TBL1X: variants seen among roughly 807,000 people sequenced by gnomAD.
TBL1X encodes the protein F-box-like/WD repeat-containing protein TBL1X.
A neutral mutation model predicts 50.7 loss-of-function variants in TBL1X; 10 were observed. The observed-to-expected ratio is 0.20, with a 90% CI of 0.12 to 0.33. The LOEUF (loss-of-function observed/expected upper bound fraction) is 0.33. TBL1X is among the 10% of genes least tolerant of loss of function. The pLI is 1.00. For missense variants in TBL1X, 340 were observed against 504.4 expected (o/e 0.67, Z 3.12); for synonymous variants, 190 against 214.7 (o/e 0.88, Z 1.01).
rs371371508 is a variant in TBL1X, at chrX:9,621,733, C to T, written c.-130-18540C>T. Among the ~76,000 whole-genome samples the T allele has an allele frequency of 2.7e-5, 3 of 112,176 alleles. No individual in the cohort carries two copies. In the South Asian group the frequency reaches 1.1e-3, roughly 42 times the overall value. On this transcript the variant is annotated intron_variant, in intron 2 of 17. Transcript: ENST00000645353. The stretch of plus-strand genomic sequence containing the variant: ...GATTAACCTTGATTTAACAAGAACA[C>T]CCAGCCCATTTCCCAACGACACAAA...
chrX:9,557,959 T>C (rs1390025186), intron 2 of TBL1X, among the ~76,000 whole-genome samples: 1 of 112,539 alleles, frequency 8.9e-6, no homozygotes, highest in African/African-American at 3.2e-5. Context: ...GCTAGATGTT[T>C]TGTAAGTATT....
In TBL1X at chrX:9,715,914, G is replaced by A. The variant is rs1374186976; in HGVS notation, c.1708-306G>A. Among the ~76,000 whole-genome samples, 4 of 112,213 alleles carry A rather than the reference G, an allele frequency of 3.6e-5. No individual in the cohort carries two copies. The East Asian group carries it at 8.4e-4, about 24-fold the overall frequency. On this transcript the variant is annotated intron_variant, in intron 17 of 17. Coordinates refer to ENST00000645353, the MANE Select transcript of TBL1X (RefSeq NM_005647.4). ...GAGGCTGTGTACTTGGGCTCGTATT[G>A]TCATCTGCCCCACGATTGCAGGTGT...
chrX:9,579,509 G>A (rs1429506286), intron 2 of TBL1X, among the ~76,000 whole-genome samples: 1 of 112,029 alleles, frequency 8.9e-6, no homozygotes, highest in East Asian at 2.8e-4. Context: ...GGATTCAAAA[G>A]CATGCCCTGT....
chrX:9,561,121 A>G (rs1254207068), intron 2 of TBL1X, among the ~76,000 whole-genome samples: 1 of 111,331 alleles, frequency 9.0e-6, no homozygotes, highest in East Asian at 2.8e-4. Context: ...ACCCATCACC[A>G]TGACATCTGA....
chrX:9,662,669 C>T (rs1035611020), intron 5 of TBL1X, among the ~76,000 whole-genome samples: 5 of 112,302 alleles, frequency 4.5e-5, no homozygotes, highest in Admixed American at 1.9e-4. Flanking sequence ...AGTGTGAATG[C>T]ACCTAATGCC....
intron 3 of TBL1X, among the ~76,000 whole-genome samples, chrX:9,641,918 C>T (rs757146111): frequency 8.9e-6 from 1 of 111,861 alleles, no homozygotes; most frequent in Admixed American, 9.5e-5. Context: ...CATGAACACA[C>T]ATATACAAGT....
intron 1 of TBL1X, among the ~76,000 whole-genome samples, chrX:9,498,036 T>A (rs2081981729): frequency 9.1e-6 from 1 of 109,555 alleles, no homozygotes; most frequent in African/African-American, 3.3e-5. Flanking sequence ...ATGCCAGGCC[T>A]ATTTTCCCTT....
upstream of TBL1X, among the ~76,000 whole-genome samples, chrX:9,464,740 C>CG (rs1157707469): frequency 9.0e-6 from 1 of 111,418 alleles, no homozygotes; most frequent in African/African-American, 3.3e-5. Flanking sequence ...GGGAAGGGAC[C>CG]GGGACCAGAG....
At chrX:9,639,614 T>G (rs770699480) in intron 2 of TBL1X, among the ~76,000 whole-genome samples, 3 of 112,478 alleles carry the variant, frequency 2.7e-5, no homozygotes, top group Non-Finnish European at 3.8e-5. Context: ...ATGGAACACT[T>G]GTGAAACAGA....
chrX:9,672,175 T>G (rs896578946), intron 5 of TBL1X, among the ~76,000 whole-genome samples: 1 of 112,281 alleles, frequency 8.9e-6, no homozygotes, highest in African/African-American at 3.2e-5. Context: ...CACATAAGCC[T>G]TAAATTTCAC....
intron 2 of TBL1X, among the ~76,000 whole-genome samples, chrX:9,507,900 C>G (rs1049705326): frequency 8.0e-5 from 9 of 112,270 alleles, no homozygotes; most frequent in African/African-American, 2.9e-4. Context: ...ATGCTGAAAA[C>G]TGAAACTGGA....
At chrX:9,568,098 A>G (rs770183706) in intron 2 of TBL1X, among the ~76,000 whole-genome samples, 26 of 110,156 alleles carry the variant, frequency 2.4e-4, no homozygotes, top group Non-Finnish European at 4.4e-4. Context: ...TTCTTGTCCC[A>G]CTCCCTGCTC....
At chrX:9,609,023 G>C (rs1305914857) in intron 2 of TBL1X, among the ~76,000 whole-genome samples, 3 of 111,596 alleles carry the variant, frequency 2.7e-5, no homozygotes, top group Non-Finnish European at 5.6e-5. Flanking sequence ...ACTGGGCGGG[G>C]GTTGGTCAGT....
chrX:9,601,378 A>G (rs2082555794), intron 2 of TBL1X, among the ~76,000 whole-genome samples: 1 of 110,976 alleles, frequency 9.0e-6, no homozygotes, highest in South Asian at 3.9e-4. Context: ...TTCTTGTCCT[A>G]CAGATTGCAA....
chrX:9,672,383 T>G (rs1272362068), intron 5 of TBL1X, among the ~76,000 whole-genome samples: 1 of 112,100 alleles, frequency 8.9e-6, no homozygotes, highest in Non-Finnish European at 1.9e-5. Flanking sequence ...TGCCAAATTC[T>G]ATTCCCTTTC....
chrX:9,703,582 C>T (rs2083188699), intron 12 of TBL1X, among the ~76,000 whole-genome samples: 1 of 111,844 alleles, frequency 8.9e-6, no homozygotes, highest in African/African-American at 3.3e-5. Flanking sequence ...CGCAGACCCA[C>T]TCTCTGCTAG....
intron 2 of TBL1X, among the ~76,000 whole-genome samples, chrX:9,585,446 A>G (rs952538109): frequency 2.8e-5 from 3 of 108,284 alleles, no homozygotes; most frequent in Middle Eastern, 9.4e-3. Context: ...TCAGAAGCAC[A>G]TTAAAGTTTG....
chrX:9,523,002 A>G (rs1273912155), intron 2 of TBL1X, among the ~76,000 whole-genome samples: 1 of 112,045 alleles, frequency 8.9e-6, no homozygotes, highest in Non-Finnish European at 1.9e-5. Flanking sequence ...TAAAAACTGT[A>G]GGCTTTGTAT....
chrX:9,627,765 C>G (rs150850323), intron 2 of TBL1X, among the ~76,000 whole-genome samples: 1 of 111,974 alleles, frequency 8.9e-6, no homozygotes, highest in Admixed American at 9.5e-5. Context: ...ATGAGAGCAC[C>G]CAACATGAAG....
Sources: allele counts gnomAD v4.1 joint callset (sites outside exome capture counted in the v4.1 genomes callset), GRCh38; gene constraint gnomAD v4.1.1; transcripts MANE v1.5; gene names NCBI Gene and HGNC (gene_info 2026-07-23, HGNC 2026-07-21).